Variants in NRIP1 observed in about 807,000 individuals in gnomAD.
NRIP1 encodes the protein nuclear receptor interacting protein 1, also known as nuclear receptor-interacting protein 1.
A neutral mutation model predicts 75.0 loss-of-function variants in NRIP1; 28 were observed. The observed-to-expected ratio is 0.37, with a 90% CI of 0.28 to 0.51. The LOEUF is 0.51. Among genes scored for constraint, NRIP1 ranks in the 20% least tolerant of loss-of-function variants. The pLI is 0.92. For missense variants in NRIP1, 1,435 were observed against 1,343.7 expected (o/e 1.07, Z -1.06); for synonymous variants, 526 against 487.6 (o/e 1.08, Z -1.04).
At chr21:14,990,321 T>G (rs1305762249) in intron 3 of NRIP1, among the ~76,000 whole-genome samples, 4 of 152,074 alleles carry the variant, frequency 2.6e-5, no homozygotes, top group African/African-American at 9.7e-5. Context: ...ATTCAGATAC[T>G]GATATAATGC....
chr21:14,965,715 A>T lies in NRIP1; in HGVS notation c.2478T>A (p.Asn826Lys), dbSNP rs545159525. Residue 826 changes from asparagine to lysine, a missense_variant, in exon 4 of 4, where the codon AAT (asparagine) becomes AAA (lysine). Coordinates refer to ENST00000318948, the MANE Select transcript of NRIP1 (RefSeq NM_003489.4). Reference sequence around the variant, plus strand: ...AATCATCTGCCAGGTAACTATCTTGATTTTGTCTTAGCAATCGACTTAGCA... The same window carrying T: ...AATCATCTGCCAGGTAACTATCTTGTTTTTGTCTTAGCAATCGACTTAGCA... ...NGLLSRLLRQ[N>K]QDSYLADDSD... 1 of 1,613,772 alleles carries T rather than the reference A, an allele frequency of 6.2e-7. No individual in the cohort carries two copies. Among genetic ancestry groups the T allele is most frequent in the South Asian group, 1.1e-5 (1 of 91,076 alleles).
chr21:15,002,796 A>C (rs2087878772), intron 3 of NRIP1, among the ~76,000 whole-genome samples: 2 of 152,222 alleles, frequency 1.3e-5, no homozygotes, highest in South Asian at 4.1e-4. Flanking sequence ...TAGACTCTGC[A>C]TGGATTCTTC....
At position 14,967,346 on chromosome 21, in the gene NRIP1, G is replaced by A. The variant is rs1463913774; in HGVS notation, c.847C>T (p.His283Tyr). 6.2e-7 allele frequency: 1 copy of A among 1,614,112 alleles called. No homozygotes were observed. Among genetic ancestry groups the A allele is most frequent in the Non-Finnish European group, 8.5e-7 (1 of 1,180,010 alleles). The change falls in exon 4 of 4, where the codon CAC becomes TAC. Residue 283 changes from histidine to tyrosine, a missense_variant. His to Tyr is a moderately conservative substitution (Grantham distance 83, BLOSUM62 2). Coordinates refer to ENST00000318948, the MANE Select transcript of NRIP1 (RefSeq NM_003489.4). ...EAHLQQYSRE[H>Y]ALKTQNANQA... is the part of the protein sequence containing the mutation. ...TTTGCATTTTGCGTTTTTAAAGCGT[G>A]TTCTCGAGAATACTGCTGCAAATGG...
chr21:15,053,061 T>C (rs192545149), intron 1 of NRIP1, among the ~76,000 whole-genome samples: 40 of 152,324 alleles, frequency 2.6e-4, no homozygotes, highest in African/African-American at 8.2e-4. Flanking sequence ...TATTAACAAA[T>C]ATTGTCAGCT....
intron 1 of NRIP1, among the ~76,000 whole-genome samples, chr21:15,048,103 C>A (rs2089125893): frequency 6.6e-6 from 1 of 152,112 alleles, no homozygotes; most frequent in Admixed American, 6.5e-5. Context: ...CTGATATGGG[C>A]ACAGTTCATG....
chr21:15,015,033 G>T (rs1393277641), intron 2 of NRIP1, among the ~76,000 whole-genome samples: 1 of 151,998 alleles, frequency 6.6e-6, no homozygotes, highest in Non-Finnish European at 1.5e-5. Context: ...CCATCAATAG[G>T]TGAATGAATC....
At chr21:15,030,740 G>A (rs2088625323) in intron 2 of NRIP1, among the ~76,000 whole-genome samples, 1 of 152,222 alleles carries the variant, frequency 6.6e-6, no homozygotes, top group African/African-American at 2.4e-5. Flanking sequence ...TGGTAAGGAG[G>A]GAAGAAGGGA....
intron 3 of NRIP1, among the ~76,000 whole-genome samples, chr21:15,012,667 G>A (rs922786954): frequency 2.0e-5 from 3 of 151,876 alleles, no homozygotes; most frequent in Admixed American, 6.6e-5. Flanking sequence ...TGGTCAGGCT[G>A]GTCTTGAACT....
At chr21:15,010,936 G>C (rs184371025) in intron 3 of NRIP1, among the ~76,000 whole-genome samples, 1 of 152,212 alleles carries the variant, frequency 6.6e-6, no homozygotes, top group East Asian at 1.9e-4. Context: ...GAAAACACTA[G>C]TGAGAAGGCC....
intron 3 of NRIP1, among the ~76,000 whole-genome samples, chr21:15,005,235 C>T (rs1054227546): frequency 6.6e-6 from 1 of 152,132 alleles, no homozygotes; most frequent in Non-Finnish European, 1.5e-5. Context: ...AAATCCTCTC[C>T]ATCAACTACA....
chr21:15,039,613 T>C (rs2088910020), intron 2 of NRIP1, among the ~76,000 whole-genome samples: 1 of 152,134 alleles, frequency 6.6e-6, no homozygotes, highest in South Asian at 2.1e-4. Context: ...TAGGCACATC[T>C]ATATGTACAC....
rs1023070321 is a variant in NRIP1 at position 14,965,237 on chromosome 21, A to G, written c.2956T>C (p.Tyr986His). Residue 986 changes from tyrosine to histidine, a missense_variant, in exon 4 of 4, where the codon TAC becomes CAC. Transcript: ENST00000318948. ...CAACTGCTGGGCTGAGTGGAACTGT[A>G]CATCAGTCCATTTAAAGAAGAAATG... The part of the protein sequence containing the change: ...FSISSLNGLM[Y>H]SSTQPSSCMD... 2 of 1,613,988 alleles carry G rather than the reference A, an allele frequency of 1.2e-6. No individual in the cohort carries two copies. Among genetic ancestry groups the G allele is most frequent in the Non-Finnish European group, 1.7e-6 (2 of 1,179,940 alleles).
intron 3 of NRIP1, among the ~76,000 whole-genome samples, chr21:14,982,139 G>A (rs1375537203): frequency 1.3e-5 from 2 of 152,068 alleles, no homozygotes; most frequent in Non-Finnish European, 2.9e-5. Context: ...CATGAGCCAC[G>A]ATGCTCGGTC....
At chr21:14,969,196 T>A (rs1167945612) in intron 3 of NRIP1, among the ~76,000 whole-genome samples, 1 of 152,228 alleles carries the variant, frequency 6.6e-6, no homozygotes, top group Non-Finnish European at 1.5e-5. Context: ...TACCTACCCA[T>A]ACTTTTTACC....
chr21:14,971,040 G>C (rs3787575), intron 3 of NRIP1, among the ~76,000 whole-genome samples: 1 of 152,086 alleles, frequency 6.6e-6, no homozygotes, highest in Non-Finnish European at 1.5e-5. Flanking sequence ...CAGATATTAA[G>C]AATAATCATC....
intron 1 of NRIP1, chr21:15,050,352 T>C (rs2089175034): frequency 4.7e-6 from 1 of 211,688 alleles, no homozygotes; most frequent in Non-Finnish European, 9.6e-6. Flanking sequence ...ATTCTCTCTC[T>C]GCCTATCCCA....
intron 3 of NRIP1, among the ~76,000 whole-genome samples, chr21:14,975,456 A>T (rs1421698703): frequency 1.3e-5 from 2 of 151,976 alleles, no homozygotes; most frequent in Non-Finnish European, 2.9e-5. Flanking sequence ...ATGGGCTCTA[A>T]GAAAACTGAA....
At chr21:14,976,228 G>C (rs2087063893) in intron 3 of NRIP1, among the ~76,000 whole-genome samples, 1 of 152,032 alleles carries the variant, frequency 6.6e-6, no homozygotes, top group African/African-American at 2.4e-5. Flanking sequence ...AGATTTTACT[G>C]ATCTACATCA....
chr21:15,026,836 A>G (rs2088532474), intron 2 of NRIP1, among the ~76,000 whole-genome samples: 1 of 152,168 alleles, frequency 6.6e-6, no homozygotes, highest in Admixed American at 6.5e-5. Flanking sequence ...AAAAACCAAT[A>G]TAAGTTGAAA....
Sources: allele counts gnomAD v4.1 joint callset (sites outside exome capture counted in the v4.1 genomes callset), GRCh38; gene constraint gnomAD v4.1.1; transcripts MANE v1.5; gene names NCBI Gene and HGNC (gene_info 2026-07-23, HGNC 2026-07-21).